Variants in RBMS3 observed in about 807,000 individuals in gnomAD.
RBMS3 encodes the protein RNA-binding motif, single-stranded-interacting protein 3.
Under a neutral mutation model 66.8 loss-of-function variants are expected in RBMS3, and 27 were observed. The ratio of observed to expected loss-of-function variants is 0.40; its 90% CI spans 0.30 to 0.56. The LOEUF is 0.56. Among genes scored for constraint, RBMS3 ranks in the 20% least tolerant of loss-of-function variants. The pLI is 0.40. For missense variants in RBMS3, 513 were observed against 549.5 expected, an observed-to-expected ratio of 0.93 and a Z score of 0.66; for synonymous variants, 188 against 183.0, an observed-to-expected ratio of 1.03 and a Z score of -0.22.
chr3:29,337,594 TA>T (rs2036029545), intron 1 of RBMS3, among the ~76,000 whole-genome samples: 1 of 152,044 alleles, frequency 6.6e-6, no homozygotes, highest in Admixed American at 6.6e-5. Flanking sequence ...AACTGTGGGC[TA>T]TGATCATGCT....
rs893767247 is a variant in RBMS3 at position 29,763,975 on chromosome 3, T to C, written c.637+986T>C. On this transcript the variant is annotated intron_variant, in intron 6 of 14. Transcript: ENST00000383767. ...CTTGATTTCAATACCGTTTGCTGTA[T>C]AATGCATCTACTATTTAAAACCCAT... Among the ~76,000 whole-genome samples, 5 of 152,220 alleles carry C rather than the reference T, an allele frequency of 3.3e-5. No homozygotes were observed. In the East Asian group the frequency reaches 7.8e-4, roughly 24 times the overall value.
chr3:29,800,991 G>C (rs116253475), intron 6 of RBMS3, among the ~76,000 whole-genome samples: 3 of 135,942 alleles, frequency 2.2e-5, no homozygotes, highest in Non-Finnish European at 4.9e-5. Context: ...GTGTGCATGC[G>C]TGCACACACG....
At chr3:29,864,313 T>A (rs530736535) in intron 6 of RBMS3, among the ~76,000 whole-genome samples, 1 of 152,074 alleles carries the variant, frequency 6.6e-6, no homozygotes, top group East Asian at 1.9e-4. Context: ...CAATTGGAGG[T>A]TAACGCAGAT....
At chr3:29,799,832 A>G (rs1175922775) in intron 6 of RBMS3, among the ~76,000 whole-genome samples, 6 of 152,286 alleles carry the variant, frequency 3.9e-5, no homozygotes, top group Middle Eastern at 3.4e-3. Flanking sequence ...ATTTCCTCCT[A>G]CAATGATGGT....
chr3:29,705,454 G>T (rs1016794954), intron 4 of RBMS3, among the ~76,000 whole-genome samples: 1 of 152,108 alleles, frequency 6.6e-6, no homozygotes, highest in African/African-American at 2.4e-5. Context: ...AGTCCCTCCA[G>T]AGCATAACAC....
At chr3:29,827,761 A>G (rs948429735) in intron 6 of RBMS3, among the ~76,000 whole-genome samples, 8 of 152,192 alleles carry the variant, frequency 5.3e-5, no homozygotes, top group Non-Finnish European at 8.8e-5. Flanking sequence ...AAGAAAAACA[A>G]TGAATGAATC....
At chr3:29,610,668 G>C (rs1576355164) in intron 4 of RBMS3, among the ~76,000 whole-genome samples, 1 of 152,066 alleles carries the variant, frequency 6.6e-6, no homozygotes, top group African/African-American at 2.4e-5. Context: ...ATACATAGTA[G>C]ATTGTGGATC....
At chr3:29,807,115 A>G (rs1259676463) in intron 6 of RBMS3, among the ~76,000 whole-genome samples, 3 of 151,928 alleles carry the variant, frequency 2.0e-5, no homozygotes, top group Non-Finnish European at 4.4e-5. Context: ...AAAAAACATG[A>G]CGGGGCTGTA....
At chr3:29,914,363 T>C (rs2060587847) in intron 10 of RBMS3, among the ~76,000 whole-genome samples, 1 of 151,852 alleles carries the variant, frequency 6.6e-6, no homozygotes, top group Non-Finnish European at 1.5e-5. Context: ...TTTCAATATG[T>C]ACCTCCAAAT....
At chr3:29,623,434 T>C (rs2048947263) in intron 4 of RBMS3, among the ~76,000 whole-genome samples, 1 of 151,340 alleles carries the variant, frequency 6.6e-6, no homozygotes, top group African/African-American at 2.4e-5. Flanking sequence ...CTACTAAAAA[T>C]ACAAAAAATT....
At chr3:29,292,898 G>T (rs541289239) in intron 1 of RBMS3, among the ~76,000 whole-genome samples, 24 of 151,922 alleles carry the variant, frequency 1.6e-4, no homozygotes, top group African/African-American at 5.8e-4. Context: ...ACAAACAGAA[G>T]AAACATGTTT....
intron 14 of RBMS3, among the ~76,000 whole-genome samples, chr3:30,000,967 C>T (rs983839623): frequency 5.3e-5 from 8 of 151,816 alleles, no homozygotes; most frequent in African/African-American, 1.9e-4. Flanking sequence ...AGCAAATCAC[C>T]ATGGCATGTG....
intron 5 of RBMS3, among the ~76,000 whole-genome samples, chr3:29,756,830 G>C (rs945450530): frequency 9.9e-5 from 15 of 152,116 alleles, no homozygotes; most frequent in Admixed American, 2.0e-4. Context: ...TCAAATGAAA[G>C]AAATGCATAT....
intron 10 of RBMS3, among the ~76,000 whole-genome samples, chr3:29,907,740 A>T (rs1294211768): frequency 6.6e-6 from 1 of 152,076 alleles, no homozygotes; most frequent in Admixed American, 6.6e-5. Flanking sequence ...TTATAAAGTT[A>T]ATTTGGAATA....
intron 1 of RBMS3, among the ~76,000 whole-genome samples, chr3:29,283,878 C>T (rs1240292628): frequency 6.6e-6 from 1 of 151,956 alleles, no homozygotes; most frequent in Non-Finnish European, 1.5e-5. Flanking sequence ...GAAAATGTGC[C>T]CTGTTTTGAA....
intron 6 of RBMS3, among the ~76,000 whole-genome samples, chr3:29,764,070 T>C (rs1429131362): frequency 1.3e-5 from 2 of 151,848 alleles, no homozygotes; most frequent in Non-Finnish European, 2.9e-5. Flanking sequence ...AGGAAGCATA[T>C]ACAAAAAGAG....
chr3:29,982,494 T>C (rs552305132), intron 12 of RBMS3, among the ~76,000 whole-genome samples: 2 of 152,310 alleles, frequency 1.3e-5, no homozygotes, highest in Admixed American at 6.5e-5. Context: ...TCTAGTTCTT[T>C]CAATTGTGAC....
At chr3:29,892,903 C>T (rs552655594) in intron 8 of RBMS3, among the ~76,000 whole-genome samples, 10 of 149,836 alleles carry the variant, frequency 6.7e-5, no homozygotes, top group African/African-American at 2.5e-4. Flanking sequence ...GTTTTCAAAC[C>T]CTGACCATGG....
At chr3:29,422,946 A>T (rs1406822022) in intron 1 of RBMS3, among the ~76,000 whole-genome samples, 1 of 152,234 alleles carries the variant, frequency 6.6e-6, no homozygotes, top group Non-Finnish European at 1.5e-5. Context: ...CATCAATAAA[A>T]TATGAATGAA....
Sources: allele counts gnomAD v4.1 joint callset (sites outside exome capture counted in the v4.1 genomes callset), GRCh38; gene constraint gnomAD v4.1.1; transcripts MANE v1.5; gene names NCBI Gene and HGNC (gene_info 2026-07-23, HGNC 2026-07-21).